The following GOLGA8A variants were observed in gnomAD, a reference collection of about 807,000 sequenced individuals.
GOLGA8A encodes golgin A8 family member A.
In GOLGA8A, 3 loss-of-function variants were observed where a neutral mutation model predicts 22.1. The observed-to-expected ratio is 0.14, with a 90% CI of 0.06 to 0.35. GOLGA8A has a LOEUF of 0.35. Ranked by LOEUF, GOLGA8A falls within the 10% of genes least tolerant of loss-of-function variation. GOLGA8A has a pLI of 1.00. For missense variants in GOLGA8A, 16 were observed against 233.2 expected, an observed-to-expected ratio of 0.07 and a Z score of 6.07; for synonymous variants, 7 against 91.7, an observed-to-expected ratio of 0.08 and a Z score of 5.28.
intron 2 of GOLGA8A, among the ~76,000 whole-genome samples, chr15:34,420,898 T>G (rs1892771136): frequency 7.8e-6 from 1 of 128,512 alleles, no homozygotes; most frequent in Non-Finnish European, 1.6e-5. Flanking sequence ...CTGAGGTTGA[T>G]CAATACTGAG....
At chr15:34,425,122 T>C (rs1159372571) in intron 2 of GOLGA8A, among the ~76,000 whole-genome samples, 1 of 144,714 alleles carries the variant, frequency 6.9e-6, no homozygotes, top group East Asian at 2.1e-4. Flanking sequence ...GGCTTATCTA[T>C]TCAAAGGAAT....
intron 2 of GOLGA8A, chr15:34,416,801 A>AAT (rs1446819414): frequency 1.5e-4 from 10 of 66,802 alleles, no homozygotes; most frequent in Admixed American, 2.0e-4. Context: ...ATTGTCTCAA[A>AAT]AAATAAATAA....
chr15:34,431,719 C>T (rs868722670), intron 2 of GOLGA8A, among the ~76,000 whole-genome samples: 1 of 148,242 alleles, frequency 6.7e-6, no homozygotes, highest in South Asian at 2.2e-4. Flanking sequence ...TGAGTCAGTC[C>T]GTACACTAGT....
At chr15:34,432,903 T>C (rs1360772121) in intron 2 of GOLGA8A, among the ~76,000 whole-genome samples, 2 of 148,952 alleles carry the variant, frequency 1.3e-5, no homozygotes, top group Non-Finnish European at 3.0e-5. Context: ...AGCCACACCA[T>C]GGAGCTCTTG....
At position 34,417,888 on chromosome 15, in the gene GOLGA8A, T is replaced by C. The variant is rs939442255; in HGVS notation, c.-1122-10153A>G. On this transcript the variant is annotated intron_variant, in intron 2 of 24. Transcript: ENST00000359187. ...CATTTTCGGTTGTCACAACTGGTCA[T>C]GATGGGAGGTGCTATTGGCATCTCT... is the stretch of plus-strand genomic sequence containing the variant. The C allele has an allele frequency of 1.1e-4, 16 of 143,736 alleles. 1 individual carries two copies. Among genetic ancestry groups the C allele is most frequent in the African/African-American group, 4.1e-4 (16 of 39,086 alleles). 8.9% of individuals were successfully genotyped at this position (143,736 alleles called of 1,614,324 possible).
At chr15:34,383,712 G>GGT in intron 18 of GOLGA8A, 34 bp downstream of exon 18, 2 of 133,438 alleles carry the variant, frequency 1.5e-5, no homozygotes, top group African/African-American at 2.7e-4. Context: ...GGTGGGGGGG[G>GGT]GGTGGGGCGG....
chr15:34,428,333 G>A (rs543886102), intron 2 of GOLGA8A, among the ~76,000 whole-genome samples: 20 of 148,178 alleles, frequency 1.3e-4, no homozygotes, highest in African/African-American at 4.5e-4. Context: ...GGGCTTAAGC[G>A]ATCCTCCCTC....
intron 2 of GOLGA8A, among the ~76,000 whole-genome samples, chr15:34,422,892 C>G (rs1892840953): frequency 9.0e-6 from 1 of 111,354 alleles, no homozygotes; most frequent in African/African-American, 2.9e-5. Flanking sequence ...TTGCTAGTTG[C>G]TCTTCCACTA....
At chr15:34,433,365 G>A (rs1293579831) in intron 2 of GOLGA8A, among the ~76,000 whole-genome samples, 5 of 149,148 alleles carry the variant, frequency 3.4e-5, no homozygotes, top group East Asian at 2.0e-4. Flanking sequence ...GAGACGCAGC[G>A]CTGACTTTGG....
In GOLGA8A at chr15:34,423,161, C is replaced by T. The variant is rs1481404472; in HGVS notation, c.-1123+12222G>A. 2.4e-5 allele frequency among the ~76,000 whole-genome samples: 3 copies of T among 124,918 alleles called. 1 individual carries two copies. The highest frequency in any genetic ancestry group is 5.3e-5 in the Non-Finnish European group (3 of 56,684). 82.0% of individuals were successfully genotyped at this position (124,918 alleles called of 152,430 possible). On this transcript the variant is annotated intron_variant, in intron 2 of 24. Transcript: ENST00000359187. ...TCCCCTCCATCACACTTCGAACCTT[C>T]CTGGGCCTGGATCACCTTCCTGGAA...
intron 1 of GOLGA8A, among the ~76,000 whole-genome samples, chr15:34,436,920 C>T (rs930630500): frequency 2.0e-5 from 3 of 149,644 alleles, no homozygotes; most frequent in Non-Finnish European, 4.5e-5. Flanking sequence ...GATCCGGGCT[C>T]GAGTTCTCCC....
At chr15:34,435,354 G>A (rs1165862867) in intron 2 of GOLGA8A, 29 bp downstream of exon 2, 2 of 149,608 alleles carry the variant, frequency 1.3e-5, no homozygotes, top group Non-Finnish European at 3.0e-5. Context: ...TAAGCTTCCA[G>A]GGGTGTGATC....
At position 34,431,339 on chromosome 15, in the gene GOLGA8A, A is replaced by ATCTATC. The variant is rs1410030407; in HGVS notation, c.-1123+4043_-1123+4044insGATAGA. ...TATATATATATATATATATATATAT[A>ATCTATC]TATATATCTCACACACACACACTCG... On this transcript the variant is annotated intron_variant, in intron 2 of 24. Transcript: ENST00000359187. Among the ~76,000 whole-genome samples the ATCTATC allele has an allele frequency of 3.9e-4, 33 of 85,406 alleles. 1 individual carries two copies. Among genetic ancestry groups the ATCTATC allele is most frequent in the Non-Finnish European group, 7.0e-4 (28 of 39,854 alleles). 56.0% of individuals were successfully genotyped at this position (85,406 alleles called of 152,430 possible).
intron 2 of GOLGA8A, among the ~76,000 whole-genome samples, chr15:34,422,728 C>T (rs1357637610): frequency 1.1e-5 from 1 of 92,784 alleles, no homozygotes; most frequent in African/African-American, 2.9e-5. Flanking sequence ...CTCTCTCTCG[C>T]TCTCGCTCTC....
rs140394984 is a variant in GOLGA8A, at chr15:34,431,348, T to TCACA, written c.-1123+4031_-1123+4034dup. Among the ~76,000 whole-genome samples, 5 of 108,854 alleles carry TCACA rather than the reference T, an allele frequency of 4.6e-5. No homozygotes were observed. In the Admixed American group the frequency reaches 5.0e-4, roughly 11 times the overall value. 71.4% of individuals were successfully genotyped at this position (108,854 alleles called of 152,430 possible). A position where few individuals can be genotyped will look rare whatever the true frequency, so the allele number is the denominator to read the frequency against. On this transcript the variant is annotated intron_variant, in intron 2 of 24. Coordinates refer to ENST00000359187, the MANE Select transcript of GOLGA8A (RefSeq NM_181077.5). ...ATATATATATATATATATATATATC[T>TCACA]CACACACACACACTCGTGTCACTTA...
rs757987704 is a variant in GOLGA8A at position 34,433,261 on chromosome 15, G to C, written c.-1123+2122C>G. ...GGACAGAGTCTGACATTAGGTACAG[G>C]ACAAGTTTGGAAAGATCCAGATGGA... On this transcript the variant is annotated intron_variant, in intron 2 of 24. Transcript: ENST00000359187. Among the ~76,000 whole-genome samples, 76 of 149,204 alleles carry C rather than the reference G, an allele frequency of 5.1e-4. 9 individuals are homozygous for C. Among genetic ancestry groups the C allele is most frequent in the Non-Finnish European group, 9.7e-4 (65 of 67,180 alleles).
intron 2 of GOLGA8A, among the ~76,000 whole-genome samples, chr15:34,431,312 CATATATATATATAT>C (rs1157766795): frequency 1.1e-4 from 5 of 45,732 alleles, no homozygotes; most frequent in African/African-American, 3.0e-4. Flanking sequence ...TATATATATA[CATATATATATATAT>C]ATATATATAT....
chr15:34,431,977 A>C (rs1396188694), intron 2 of GOLGA8A, among the ~76,000 whole-genome samples: 2 of 148,856 alleles, frequency 1.3e-5, no homozygotes, highest in Non-Finnish European at 3.0e-5. Context: ...AAAATCCTAA[A>C]TGTCAATAGT....
chr15:34,429,532 T>A (rs1893134284), intron 2 of GOLGA8A, among the ~76,000 whole-genome samples: 1 of 148,476 alleles, frequency 6.7e-6, no homozygotes, highest in Admixed American at 6.8e-5. Flanking sequence ...CAACCTACCG[T>A]GGGGCTCTCA....
Sources: allele counts gnomAD v4.1 joint callset (sites outside exome capture counted in the v4.1 genomes callset), GRCh38; gene constraint gnomAD v4.1.1; transcripts MANE v1.5; gene names NCBI Gene and HGNC (gene_info 2026-07-23, HGNC 2026-07-21).